TNFAIP2: variants seen among roughly 807,000 people sequenced by gnomAD.
TNFAIP2 encodes TNF alpha induced protein 2.
In TNFAIP2, 47 loss-of-function variants were observed where a neutral mutation model predicts 63.5. That is an observed-to-expected ratio of 0.74 (90% confidence interval 0.59 to 0.94). TNFAIP2 has a LOEUF of 0.94. Ranked by LOEUF, TNFAIP2 falls within the 40% of genes least tolerant of loss-of-function variation. The probability of loss-of-function intolerance (pLI) is 0.00; values close to 1 mark genes in which losing one functional copy is unlikely to be tolerated. For synonymous variants in TNFAIP2, 405 were observed against 390.2 expected (o/e 1.04, Z -0.45); for missense variants, 787 against 850.2 (o/e 0.93, Z 0.92).
Position 103,127,811 on chromosome 14 carries a change from A to G in TNFAIP2, c.860+182A>G, listed in dbSNP as rs1437528855. Among the ~76,000 whole-genome samples the G allele has an allele frequency of 6.6e-6, 1 of 152,024 alleles. No individual in the cohort carries two copies. The highest frequency in any genetic ancestry group is 2.1e-4 in the South Asian group (1 of 4,814). On this transcript the variant is annotated intron_variant, in intron 3 of 11. Transcript: ENST00000560869. The surrounding 1 kb of genome is among the most constrained non-coding windows in gnomAD (Gnocchi z 5.1). ...TGGGGCAGAGCCTGGACAGGCAGAG[A>G]CTGGGCCTGGACACAGGGATAAGGC...
At chr14:103,133,170 A>G (rs572816445) in intron 9 of TNFAIP2, among the ~76,000 whole-genome samples, 192 bp from the exon 10 acceptor site, 13 of 146,986 alleles carry the variant, frequency 8.8e-5, no homozygotes, top group Admixed American at 8.6e-4. Flanking sequence ...ACGTGAACGC[A>G]TGCACATGTG....
At position 103,131,522 on chromosome 14, in the gene TNFAIP2, T is replaced by C; in HGVS notation, c.1299-117T>C. ...ACATGGATGGGAGGACTTGATCCCA[T>C]AGAGAATGGGGAGCCATTGAGGGTT... On this transcript the variant is annotated intron_variant, in intron 7 of 11. Transcript: ENST00000560869. This position sits in a 1 kb window ranked among gnomAD's most constrained non-coding sequence, Gnocchi z 4.0. The C allele has an allele frequency of 2.2e-6, 3 of 1,360,386 alleles. No individual in the cohort carries two copies. Among genetic ancestry groups the C allele is most frequent in the Non-Finnish European group, 2.9e-6 (3 of 1,024,388 alleles). 84.3% of individuals were successfully genotyped at this position (1,360,386 alleles called of 1,614,324 possible). A position where few individuals can be genotyped will look rare whatever the true frequency, so the allele number is the denominator to read the frequency against.
At chr14:103,123,203 A>C (rs2087780660), upstream of TNFAIP2, among the ~76,000 whole-genome samples, 1 of 151,434 alleles carries the variant, frequency 6.6e-6, no homozygotes, top group Non-Finnish European at 1.5e-5. Flanking sequence ...CCGTCCCCCG[A>C]ACTCCACATA....
intron 3 of TNFAIP2, among the ~76,000 whole-genome samples, chr14:103,129,170 C>G (rs1308827565): frequency 6.6e-6 from 1 of 152,210 alleles, no homozygotes. Flanking sequence ...TCTGGCCTAC[C>G]CCTGGGATTG....
chr14:103,122,461 A>T (rs975035536), upstream of TNFAIP2: 4 of 337,360 alleles, frequency 1.2e-5, no homozygotes, highest in Non-Finnish European at 2.4e-5. Context: ...CCAGCGGGAA[A>T]TTCCTAAATG....
Position 103,135,899 on chromosome 14 carries a change from G to A in TNFAIP2, c.*539G>A. 2 of 1,289,954 alleles carry A rather than the reference G, an allele frequency of 1.6e-6. No individual in the cohort carries two copies. The highest frequency in any genetic ancestry group is 2.0e-6 in the Non-Finnish European group (2 of 989,214). 79.9% of individuals were successfully genotyped at this position (1,289,954 alleles called of 1,614,324 possible). A position where few individuals can be genotyped will look rare whatever the true frequency, so the allele number is the denominator to read the frequency against. ...GGAAAAGATGAGCTCTCGTCTGGCA[G>A]GGGCTTTTAGGGTCCTGTGGCGAGC... On this transcript the variant is annotated 3_prime_UTR_variant, in exon 12 of 12. Coordinates refer to ENST00000560869, the MANE Select transcript of TNFAIP2 (RefSeq NM_006291.4). The surrounding 1 kb of genome is among the most constrained non-coding windows in gnomAD (Gnocchi z 7.6).
At position 103,131,301 on chromosome 14, in the gene TNFAIP2, G is replaced by A. The variant is rs746454466; in HGVS notation, c.1298+151G>A. On this transcript the variant is annotated intron_variant, in intron 7 of 11. Coordinates refer to ENST00000560869, the MANE Select transcript of TNFAIP2 (RefSeq NM_006291.4). The surrounding 1 kb of genome is among the most constrained non-coding windows in gnomAD (Gnocchi z 4.0). ...GAGGACTCCACGGCCTGCAGCAGCA[G>A]CAGCAAACATTTCCCAAGTGCTGGC... 1.2e-6 allele frequency: 1 copy of A among 846,086 alleles called. No homozygotes were observed. Among genetic ancestry groups the A allele is most frequent in the Non-Finnish European group, 1.9e-6 (1 of 537,362 alleles). The allele number at this position is 846,086 out of a possible 1,614,324, so 52.4% of individuals were successfully genotyped here.
Position 103,135,618 on chromosome 14 carries a change from G to A in TNFAIP2, c.*258G>A, listed in dbSNP as rs1566966881. Reference sequence around the variant, plus strand: ...GCAACACCAAGGACTCTTTGTAAACGATAGCTGATCGTGTGCACGCAAGGA... The same window carrying A: ...GCAACACCAAGGACTCTTTGTAAACAATAGCTGATCGTGTGCACGCAAGGA... On this transcript the variant is annotated 3_prime_UTR_variant, in exon 12 of 12. Transcript: ENST00000560869. The surrounding 1 kb of genome is among the most constrained non-coding windows in gnomAD (Gnocchi z 7.6). 7 of 1,370,264 alleles carry A rather than the reference G, an allele frequency of 5.1e-6. No homozygotes were observed. The highest frequency in any genetic ancestry group is 6.6e-6 in the Non-Finnish European group (7 of 1,059,182). 84.9% of individuals were successfully genotyped at this position (1,370,264 alleles called of 1,614,324 possible).
intron 2 of TNFAIP2, 138 bp from the exon 3 acceptor site, chr14:103,126,867 G>A (rs925516675): frequency 7.2e-7 from 1 of 1,380,984 alleles, no homozygotes; most frequent in Non-Finnish European, 9.5e-7. Flanking sequence ...GCCTAGTCAG[G>A]GACACCGACA....
At position 103,131,697 on chromosome 14, in the gene TNFAIP2, C is replaced by G; in HGVS notation, c.1357C>G (p.Pro453Ala). The G allele has an allele frequency of 6.2e-7, 1 of 1,610,022 alleles. No homozygotes were observed. Among genetic ancestry groups the G allele is most frequent in the Non-Finnish European group, 8.5e-7 (1 of 1,179,682 alleles). ...PQDTLSLLLG[P>A]LGELKSHGFD... ...GGACACCCTGAGCCTCCTGCTGGGC[C>G]CCCTGGGTGAGCTCAAGAGCCACGG... The change falls in exon 8 of 12, where the codon CCC becomes GCC. Residue 453 changes from proline to alanine, a missense_variant. By Grantham distance (27) the Pro-to-Ala change is conservative. This residue lies in a region of TNFAIP2 where 523 missense variants were observed against 604.1 expected (regional missense o/e 0.87). Transcript: ENST00000560869. The surrounding 1 kb of genome is among the most constrained non-coding windows in gnomAD (Gnocchi z 4.0).
At chr14:103,124,200 A>C (rs1414655620) in intron 1 of TNFAIP2, among the ~76,000 whole-genome samples, 1 of 152,232 alleles carries the variant, frequency 6.6e-6, no homozygotes, top group Non-Finnish European at 1.5e-5. Flanking sequence ...GGCGCCCAGC[A>C]CTTGGCTGTG....
At position 103,131,837 on chromosome 14, in the gene TNFAIP2, G is replaced by C. The variant is rs373658611; in HGVS notation, c.1422+75G>C. On this transcript the variant is annotated intron_variant, in intron 8 of 11. Coordinates refer to ENST00000560869, the MANE Select transcript of TNFAIP2 (RefSeq NM_006291.4). This position sits in a 1 kb window ranked among gnomAD's most constrained non-coding sequence, Gnocchi z 4.0. ...GGAGGGACTGGGAGGTGCCCCCAGG[G>C]AGGAGTGGCAGAAGCAAAGATGTGG... 2 of 1,543,442 alleles carry C rather than the reference G, an allele frequency of 1.3e-6. No individual in the cohort carries two copies. Among genetic ancestry groups the C allele is most frequent in the East Asian group, 2.3e-5 (1 of 42,972 alleles).
chr14:103,127,433 C>T lies in TNFAIP2; in HGVS notation c.664C>T (p.Arg222Cys), dbSNP rs2087882413. The stretch of plus-strand genomic sequence containing the variant: ...CGAGAGCGTCTTTCTGCACTTGGGC[C>T]GCACCATGAAGGAGGACCTGGAGGC... ...VPESVFLHLG[R>C]TMKEDLEAVV... The change falls in exon 3 of 12, where the codon CGC becomes TGC. Residue 222 changes from arginine to cysteine, a missense_variant. Physicochemically the swap from Arg to Cys is radical, Grantham distance 180. This residue lies in a region of TNFAIP2 where 523 missense variants were observed against 604.1 expected (regional missense o/e 0.87). Coordinates refer to ENST00000560869, the MANE Select transcript of TNFAIP2 (RefSeq NM_006291.4). This position sits in a 1 kb window ranked among gnomAD's most constrained non-coding sequence, Gnocchi z 5.1. 2 of 1,584,494 alleles carry T rather than the reference C, an allele frequency of 1.3e-6. No homozygotes were observed. The highest frequency in any genetic ancestry group is 1.7e-6 in the Non-Finnish European group (2 of 1,173,702).
At position 103,126,327 on chromosome 14, in the gene TNFAIP2, C is replaced by T; in HGVS notation, c.-131C>T. On this transcript the variant is annotated 5_prime_UTR_variant, in exon 2 of 12. Transcript: ENST00000560869. Reference sequence around the variant, plus strand: ...CCCCGCAGGAGCCTGCAGGCCTGAACCAGGGTGATGCTGAAGATGATGACC... The same window carrying T: ...CCCCGCAGGAGCCTGCAGGCCTGAATCAGGGTGATGCTGAAGATGATGACC... The T allele has an allele frequency of 1.5e-6, 1 of 674,610 alleles. No individual in the cohort carries two copies. The highest frequency in any genetic ancestry group is 2.5e-6 in the Non-Finnish European group (1 of 395,544). 41.8% of individuals were successfully genotyped at this position (674,610 alleles called of 1,614,324 possible).
chr14:103,126,441 C>A lies in TNFAIP2; in HGVS notation c.-17C>A. ...CAAAAGTTGCAGTCCACATCAGAGG[C>A]AGAGTCAGAGGCCTCCATGTCGGAG... is the stretch of plus-strand genomic sequence containing the variant. On this transcript the variant is annotated 5_prime_UTR_variant, in exon 2 of 12. Transcript: ENST00000560869. 3 of 1,560,760 alleles carry A rather than the reference C, an allele frequency of 1.9e-6. No homozygotes were observed. Among genetic ancestry groups the A allele is most frequent in the Non-Finnish European group, 2.6e-6 (3 of 1,157,240 alleles).
In TNFAIP2 at chr14:103,128,421, C is replaced by T. The variant is rs75398878; in HGVS notation, c.860+792C>T. On this transcript the variant is annotated intron_variant, in intron 3 of 11. Coordinates refer to ENST00000560869, the MANE Select transcript of TNFAIP2 (RefSeq NM_006291.4). ...TCCCTTGACTCCATAGATCCCTGGGCGTGCCCGTCATTCGCACGGTCTGCA... is the reference window on the plus strand; with the variant it reads ...TCCCTTGACTCCATAGATCCCTGGGTGTGCCCGTCATTCGCACGGTCTGCA... 5.2e-3 allele frequency among the ~76,000 whole-genome samples: 790 copies of T among 152,288 alleles called. 10 individuals are homozygous for T. The highest frequency in any genetic ancestry group is 0.018 in the African/African-American group (742 of 41,544).
chr14:103,127,095 C>A lies in TNFAIP2; in HGVS notation c.326C>A (p.Ala109Glu), dbSNP rs2087871885. The A allele has an allele frequency of 1.8e-6, 2 of 1,103,310 alleles. No individual in the cohort carries two copies. The highest frequency in any genetic ancestry group is 2.2e-6 in the Non-Finnish European group (2 of 906,630). The allele number at this position is 1,103,310 out of a possible 1,614,324, so 68.3% of individuals were successfully genotyped here. Residue 109 changes from alanine (A) to glutamate (E), a missense_variant, in exon 3 of 12, where the codon GCG becomes GAG. Transcript: ENST00000560869. The surrounding 1 kb of genome is among the most constrained non-coding windows in gnomAD (Gnocchi z 5.1). ...ALERELAAAAAAGGVSEEELV... is the reference protein window; with the variant it reads ...ALERELAAAAEAGGVSEEELV... The stretch of plus-strand genomic sequence containing the variant: ...GAGCGGGAGCTGGCGGCGGCGGCGG[C>A]GGCGGGCGGTGTGAGCGAGGAGGAG...
At chr14:103,130,166 G>C (rs1216175004) in intron 5 of TNFAIP2, 42 bp downstream of exon 5, 3 of 1,594,404 alleles carry the variant, frequency 1.9e-6, no homozygotes, top group East Asian at 2.3e-5. Context: ...GCCCGTGCAC[G>C]TGCATGGGGA....
Position 103,131,504 on chromosome 14 carries a change from T to C in TNFAIP2, c.1299-135T>C, listed in dbSNP as rs1595283965. On this transcript the variant is annotated intron_variant, in intron 7 of 11. Coordinates refer to ENST00000560869, the MANE Select transcript of TNFAIP2 (RefSeq NM_006291.4). The surrounding 1 kb of genome is among the most constrained non-coding windows in gnomAD (Gnocchi z 4.0). ...GTCCTGAGGGCATGGAGAACATGGA[T>C]GGGAGGACTTGATCCCATAGAGAAT... 1 of 1,255,528 alleles carries C rather than the reference T, an allele frequency of 8.0e-7. No individual in the cohort carries two copies. The highest frequency in any genetic ancestry group is 1.6e-5 in the South Asian group (1 of 64,214). 77.8% of individuals were successfully genotyped at this position (1,255,528 alleles called of 1,614,324 possible). A position where few individuals can be genotyped will look rare whatever the true frequency, so the allele number is the denominator to read the frequency against.
Sources: gnomAD v4.1 joint callset for allele counts (sites outside exome capture counted in the v4.1 genomes callset) on GRCh38, gnomAD v4.1.1 for gene constraint, gnomAD v4.1.1 regional missense constraint, Gnocchi (gnomAD v3.1) non-coding constraint, MANE v1.5 for transcripts, NCBI Gene and HGNC (gene_info 2026-07-23, HGNC 2026-07-21) for gene names.